Variants in PIK3CB observed in about 807,000 individuals in gnomAD.
The protein encoded by PIK3CB is phosphatidylinositol-4,5-bisphosphate 3-kinase catalytic subunit beta.
Under a neutral mutation model 136.8 loss-of-function variants are expected in PIK3CB, and 39 were observed. The observed-to-expected ratio is 0.29, with a 90% CI of 0.22 to 0.37. PIK3CB has a LOEUF of 0.37. Among genes scored for constraint, PIK3CB ranks in the 10% least tolerant of loss-of-function variants. The probability of loss-of-function intolerance (pLI) is 1.00; values close to 1 mark genes in which losing one functional copy is unlikely to be tolerated. For synonymous variants in PIK3CB, 428 were observed against 436.6 expected (o/e 0.98, Z 0.25); for missense variants, 868 against 1,275.4 (o/e 0.68, Z 4.87).
At chr3:138,669,213 A>G (rs1017504688) in intron 19 of PIK3CB, among the ~76,000 whole-genome samples, 4 of 151,564 alleles carry the variant, frequency 2.6e-5, no homozygotes, top group African/African-American at 7.3e-5. Context: ...GGAGTTTAAG[A>G]CCAGCCTGGG....
At chr3:138,696,900 G>A (rs2044148697) in intron 13 of PIK3CB, among the ~76,000 whole-genome samples, 1 of 152,072 alleles carries the variant, frequency 6.6e-6, no homozygotes, top group African/African-American at 2.4e-5. Context: ...GGAATACACT[G>A]CCCATAAATA....
chr3:138,725,760 GT>G (rs1264960794), intron 8 of PIK3CB, among the ~76,000 whole-genome samples: 6 of 152,028 alleles, frequency 3.9e-5, no homozygotes, highest in Non-Finnish European at 7.4e-5. Context: ...TTTGCCCTTA[GT>G]TGTTATAGCA....
intron 12 of PIK3CB, among the ~76,000 whole-genome samples, chr3:138,700,283 T>G (rs2044223309): frequency 6.6e-6 from 1 of 151,968 alleles, no homozygotes; most frequent in South Asian, 2.1e-4. Context: ...CCTACATACT[T>G]TTCACAAATA....
At chr3:138,712,023 T>A (rs1189327908) in intron 10 of PIK3CB, among the ~76,000 whole-genome samples, 185 bp downstream of exon 10, 1 of 151,930 alleles carries the variant, frequency 6.6e-6, no homozygotes, top group Non-Finnish European at 1.5e-5. Flanking sequence ...TAAAGAAATC[T>A]ACTCAGAAAC....
At chr3:138,759,974 T>C (rs900242491) in intron 2 of PIK3CB, among the ~76,000 whole-genome samples, 1 of 151,990 alleles carries the variant, frequency 6.6e-6, no homozygotes, top group Non-Finnish European at 1.5e-5. Context: ...TAGGCTGGAA[T>C]GCAGTAGTGA....
At chr3:138,783,862 G>T (rs2045946337) in intron 2 of PIK3CB, among the ~76,000 whole-genome samples, 1 of 151,904 alleles carries the variant, frequency 6.6e-6, no homozygotes. Flanking sequence ...AACATATAAA[G>T]AACATGAATC....
chr3:138,831,332 C>G (rs1283834203), intron 1 of PIK3CB, among the ~76,000 whole-genome samples: 4 of 151,784 alleles, frequency 2.6e-5, no homozygotes, highest in Non-Finnish European at 5.9e-5. Context: ...GTGGCTCACG[C>G]CTGTAATCCC....
chr3:138,811,097 C>T (rs1459762489), intron 1 of PIK3CB, among the ~76,000 whole-genome samples: 1 of 150,414 alleles, frequency 6.6e-6, no homozygotes, highest in Admixed American at 6.7e-5. Flanking sequence ...CATGGTGGTG[C>T]GTGCCTGTAA....
intron 2 of PIK3CB, among the ~76,000 whole-genome samples, chr3:138,783,607 T>C (rs539735449): frequency 1.3e-5 from 2 of 152,072 alleles, no homozygotes; most frequent in Admixed American, 6.6e-5. Flanking sequence ...ACAGAGACAA[T>C]GTAAGACAGG....
chr3:138,743,837 A>AAG (rs2045292165), intron 4 of PIK3CB, among the ~76,000 whole-genome samples: 1 of 152,192 alleles, frequency 6.6e-6, no homozygotes, highest in African/African-American at 2.4e-5. Flanking sequence ...CTGGGATTAC[A>AAG]AGTGTGAGTC....
In PIK3CB at chr3:138,782,632, G is replaced by A. The variant is rs77356748; in HGVS notation, c.-17+13831C>T. On this transcript the variant is annotated intron_variant, in intron 2 of 23. Transcript: ENST00000674063. Reference sequence around the variant, plus strand: ...GTGGCCATGTACTAAGTTCTTTCCAGTGGAATGTTCAGTGGAAATGACCTG... The same window carrying A: ...GTGGCCATGTACTAAGTTCTTTCCAATGGAATGTTCAGTGGAAATGACCTG... 4.6e-5 allele frequency among the ~76,000 whole-genome samples: 7 copies of A among 152,276 alleles called. 1 individual carries two copies. In the East Asian group the frequency reaches 1.3e-3, roughly 29 times the overall value.
intron 2 of PIK3CB, among the ~76,000 whole-genome samples, chr3:138,764,203 C>T (rs1053061873): frequency 3.3e-5 from 5 of 151,738 alleles, no homozygotes; most frequent in Admixed American, 6.6e-5. Context: ...AATCCCAGCA[C>T]TTTGGGAGGC....
At chr3:138,833,670 C>T (rs1934143835) in intron 1 of PIK3CB, among the ~76,000 whole-genome samples, 1 of 152,176 alleles carries the variant, frequency 6.6e-6, no homozygotes, top group Non-Finnish European at 1.5e-5. Flanking sequence ...TTTACAAAAG[C>T]ACTTGTCACT....
chr3:138,804,517 AC>A (rs2046210375), intron 1 of PIK3CB, among the ~76,000 whole-genome samples: 1 of 152,182 alleles, frequency 6.6e-6, no homozygotes, highest in African/African-American at 2.4e-5. Context: ...CTCAAAAAAA[AC>A]AAAAGAGCAA....
Position 138,827,240 on chromosome 3 carries a change from C to T in PIK3CB, c.-122+7455G>A, listed in dbSNP as rs191227551. ...GTTTGGTTCCTTATTTTCAAAAAGACTAATGATTCAGGACGCAGTGAACAA... is the reference window on the plus strand; with the variant it reads ...GTTTGGTTCCTTATTTTCAAAAAGATTAATGATTCAGGACGCAGTGAACAA... On this transcript the variant is annotated intron_variant, in intron 1 of 23. Coordinates refer to ENST00000674063, the MANE Select transcript of PIK3CB (RefSeq NM_006219.3). Among the ~76,000 whole-genome samples, 214 of 152,278 alleles carry T rather than the reference C, an allele frequency of 1.4e-3. 1 individual carries two copies. The highest frequency in any genetic ancestry group is 2.5e-3 in the Admixed American group (38 of 15,286).
chr3:138,689,062 A>G, intron 15 of PIK3CB, 88 bp from the exon 16 acceptor site: 1 of 781,436 alleles, frequency 1.3e-6, no homozygotes, highest in Non-Finnish European at 2.2e-6. Flanking sequence ...TCTACAAAAA[A>G]TAAACTTATG....
chr3:138,803,615 C>T (rs1364170865), intron 1 of PIK3CB, among the ~76,000 whole-genome samples: 2 of 152,094 alleles, frequency 1.3e-5, no homozygotes, highest in Non-Finnish European at 2.9e-5. Flanking sequence ...GCAGAAAAGT[C>T]CTGGGATGAG....
At chr3:138,823,834 A>G (rs192789532) in intron 1 of PIK3CB, among the ~76,000 whole-genome samples, 386 of 152,336 alleles carry the variant, frequency 2.5e-3, no homozygotes, top group African/African-American at 9.1e-3. Context: ...AAATCACAAG[A>G]GCTCATTCAT....
chr3:138,832,227 G>T (rs1934068575), intron 1 of PIK3CB, among the ~76,000 whole-genome samples: 1 of 152,162 alleles, frequency 6.6e-6, no homozygotes, highest in Non-Finnish European at 1.5e-5. Context: ...CACCAAGAAA[G>T]ATAGGCAAGA....
Sources: allele counts gnomAD v4.1 joint callset (sites outside exome capture counted in the v4.1 genomes callset), GRCh38; gene constraint gnomAD v4.1.1; transcripts MANE v1.5; gene names NCBI Gene and HGNC (gene_info 2026-07-23, HGNC 2026-07-21).